The following TNFSF4 variants were observed in gnomAD, a reference collection of about 807,000 sequenced individuals.
TNFSF4 encodes tumor necrosis factor ligand superfamily member 4.
Under a neutral mutation model 7.3 loss-of-function variants are expected in TNFSF4, and 4 were observed. That is an observed-to-expected ratio of 0.55 (90% CI 0.27 to 1.25). The LOEUF (loss-of-function observed/expected upper bound fraction) is 1.25. Ranked by LOEUF, TNFSF4 falls within the 50% of genes most tolerant of loss-of-function variation. The pLI, the probability that TNFSF4 is intolerant of heterozygous loss-of-function variation, is 0.12. For synonymous variants in TNFSF4, 76 were observed against 83.7 expected (o/e 0.91, Z 0.50); for missense variants, 181 against 208.8 (o/e 0.87, Z 0.82).
the TNFSF4 span, among the ~76,000 whole-genome samples, chr1:173,438,602 GAT>G: frequency 6.6e-6 from 1 of 152,086 alleles, no homozygotes; most frequent in East Asian, 1.9e-4. Context: ...TATATTTTCT[GAT>G]ATATAGAATT....
At chr1:173,295,245 C>A in the TNFSF4 span, among the ~76,000 whole-genome samples, 1 of 152,000 alleles carries the variant, frequency 6.6e-6, no homozygotes, top group Middle Eastern at 3.4e-3. Flanking sequence ...AAGTAATTAC[C>A]CAGGAGAAAT....
the TNFSF4 span, among the ~76,000 whole-genome samples, chr1:173,250,463 G>GT: frequency 0.091 from 12,794 of 139,878 alleles, 635 homozygotes; most frequent in South Asian, 0.12. Context: ...TTGTTTTTTT[G>GT]TTTTTTTTTT....
At chr1:173,402,380 G>A in the TNFSF4 span, among the ~76,000 whole-genome samples, 1 of 152,180 alleles carries the variant, frequency 6.6e-6, no homozygotes, top group Non-Finnish European at 1.5e-5. Flanking sequence ...GAGCTTCTGG[G>A]ACTCCATACT....
chr1:173,420,712 G>A, the TNFSF4 span, among the ~76,000 whole-genome samples: 1 of 152,042 alleles, frequency 6.6e-6, no homozygotes, highest in Non-Finnish European at 1.5e-5. Context: ...TAAAGATGAT[G>A]CCCTAGGGAA....
chr1:173,223,637 A>G, the TNFSF4 span, among the ~76,000 whole-genome samples: 5 of 152,224 alleles, frequency 3.3e-5, no homozygotes, highest in African/African-American at 1.2e-4. Flanking sequence ...GAAGGTTAGG[A>G]TAACTTTTAA....
the TNFSF4 span, among the ~76,000 whole-genome samples, chr1:173,403,643 C>T: frequency 6.6e-6 from 1 of 152,214 alleles, no homozygotes; most frequent in Non-Finnish European, 1.5e-5. Context: ...GTGGCTCACG[C>T]CTGTAATCCC....
chr1:173,435,526 G>C, the TNFSF4 span, among the ~76,000 whole-genome samples: 1 of 152,162 alleles, frequency 6.6e-6, no homozygotes, highest in Non-Finnish European at 1.5e-5. Context: ...CATCTACAAG[G>C]CAGGAAGGAG....
chr1:173,217,159 G>C, the TNFSF4 span, among the ~76,000 whole-genome samples: 8 of 152,146 alleles, frequency 5.3e-5, no homozygotes, highest in Non-Finnish European at 1.2e-4. Flanking sequence ...ATGCATGTAT[G>C]TGCTTGTCTC....
At chr1:173,422,322 G>T in the TNFSF4 span, among the ~76,000 whole-genome samples, 1 of 93,564 alleles carries the variant, frequency 1.1e-5, no homozygotes, top group African/African-American at 5.1e-5. Flanking sequence ...GTGGTGCCCA[G>T]AGTGAAAAAA....
the TNFSF4 span, among the ~76,000 whole-genome samples, chr1:173,284,839 C>A: frequency 6.6e-6 from 1 of 152,128 alleles, no homozygotes; most frequent in Non-Finnish European, 1.5e-5. Context: ...TACTCATTAA[C>A]AATGCACCTG....
At chr1:173,343,517 G>T in the TNFSF4 span, among the ~76,000 whole-genome samples, 1 of 152,146 alleles carries the variant, frequency 6.6e-6, no homozygotes, top group Non-Finnish European at 1.5e-5. Flanking sequence ...GACACTAGGG[G>T]TATTATTTTT....
chr1:173,282,685 C>A, the TNFSF4 span, among the ~76,000 whole-genome samples: 1 of 152,092 alleles, frequency 6.6e-6, no homozygotes, highest in Non-Finnish European at 1.5e-5. Context: ...TCTCGAATTC[C>A]TGACCTTGTG....
the TNFSF4 span, among the ~76,000 whole-genome samples, chr1:173,317,510 T>C: frequency 6.6e-6 from 1 of 152,196 alleles, no homozygotes; most frequent in Non-Finnish European, 1.5e-5. Context: ...TCTTTAATTA[T>C]TACATGTGTA....
chr1:173,178,379 T>C, the TNFSF4 span, among the ~76,000 whole-genome samples: 1 of 152,084 alleles, frequency 6.6e-6, no homozygotes, highest in Non-Finnish European at 1.5e-5. Flanking sequence ...ATCCAGGCTG[T>C]CCTGGCTAAA....
chr1:173,312,566 C>T, the TNFSF4 span, among the ~76,000 whole-genome samples: 1 of 152,088 alleles, frequency 6.6e-6, no homozygotes, highest in Non-Finnish European at 1.5e-5. Context: ...TATCAGCTTT[C>T]TTACTAATGA....
chr1:173,296,115 G>A, the TNFSF4 span, among the ~76,000 whole-genome samples: 1 of 151,966 alleles, frequency 6.6e-6, no homozygotes, highest in Non-Finnish European at 1.5e-5. Context: ...CACAGAAGGA[G>A]TGCCTAGCCC....
At chr1:173,210,524 G>C (rs1472180273), upstream of TNFSF4, among the ~76,000 whole-genome samples, 1 of 152,184 alleles carries the variant, frequency 6.6e-6, no homozygotes, top group East Asian at 1.9e-4. Flanking sequence ...GGCTGCTGGA[G>C]AAGAGGCTCA....
the TNFSF4 span, among the ~76,000 whole-genome samples, chr1:173,322,474 G>A: frequency 2.0e-5 from 3 of 152,220 alleles, no homozygotes; most frequent in African/African-American, 4.8e-5. Context: ...TACAGAAGAC[G>A]GTGATTTCTG....
the TNFSF4 span, among the ~76,000 whole-genome samples, chr1:173,323,164 G>A: frequency 6.6e-6 from 1 of 152,166 alleles, no homozygotes; most frequent in Non-Finnish European, 1.5e-5. Flanking sequence ...ACCTCACACG[G>A]CCGGGTACTC....
Sources: allele counts gnomAD v4.1 joint callset (sites outside exome capture counted in the v4.1 genomes callset), GRCh38; gene constraint gnomAD v4.1.1; transcripts MANE v1.5; gene names NCBI Gene and HGNC (gene_info 2026-07-23, HGNC 2026-07-21).